The following TNIK variants were observed in gnomAD, a reference collection of about 807,000 sequenced individuals.
TNIK encodes the protein TRAF2 and NCK interacting kinase.
A neutral mutation model predicts 191.3 loss-of-function variants in TNIK; 49 were observed. The observed-to-expected ratio is 0.26, with a 90% CI of 0.20 to 0.32. The LOEUF is 0.32. TNIK is among the 10% of genes least tolerant of loss of function. The probability of loss-of-function intolerance (pLI) is 1.00; values close to 1 mark genes in which losing one functional copy is unlikely to be tolerated. For missense variants in TNIK, 1,155 were observed against 1,702.3 expected, an observed-to-expected ratio of 0.68 and a Z score of 5.66; for synonymous variants, 594 against 600.9, an observed-to-expected ratio of 0.99 and a Z score of 0.17.
rs781222903 is a variant in TNIK at position 171,157,548 on chromosome 3, C to T, written c.1133G>A (p.Arg378Gln). The T allele has an allele frequency of 2.2e-5, 34 of 1,564,346 alleles. No homozygotes were observed. Among genetic ancestry groups the T allele is most frequent in the Admixed American group, 3.8e-5 (2 of 52,728 alleles). ...CTGCCGCTTGTGCTCCTCATTCTCC[C>T]GCTGCTGCTGCTCCAGCTGCTGCCT... ...LRRQQLEQQQ[R>Q]ENEEHKRQLL... is the part of the protein sequence containing the mutation. Residue 378 changes from arginine (R) to glutamine (Q), a missense_variant, in exon 12 of 33, where the codon CGG (arginine) becomes CAG (glutamine). Around this residue, in one of 3 missense-constraint regions of TNIK, gnomAD observed 735 missense variants for 848.0 expected, o/e 0.87. Transcript: ENST00000436636.
intron 2 of TNIK, among the ~76,000 whole-genome samples, chr3:171,277,019 AG>A (rs1391957904): frequency 1.6e-4 from 25 of 152,218 alleles, no homozygotes; most frequent in Non-Finnish European, 2.1e-4. Context: ...GAGAGGTGGA[AG>A]CTTTAAGAAA....
chr3:171,253,140 C>CG (rs1560325388), intron 2 of TNIK, among the ~76,000 whole-genome samples: 1 of 151,054 alleles, frequency 6.6e-6, no homozygotes, highest in African/African-American at 2.4e-5. Context: ...AAAAATTAGC[C>CG]GGGCGTGGTG....
intron 1 of TNIK, among the ~76,000 whole-genome samples, chr3:171,398,615 A>C (rs1720532011): frequency 6.6e-6 from 1 of 152,166 alleles, no homozygotes; most frequent in Non-Finnish European, 1.5e-5. Flanking sequence ...AGTGTTACCT[A>C]AACTTTTTCA....
At chr3:171,231,413 G>A (rs778016747) in intron 2 of TNIK, among the ~76,000 whole-genome samples, 91 of 150,998 alleles carry the variant, frequency 6.0e-4, no homozygotes, top group African/African-American at 2.0e-3. Context: ...TTCATTTCCC[G>A]GCTGAAACAG....
chr3:171,385,941 G>A (rs1718670012), intron 1 of TNIK, among the ~76,000 whole-genome samples: 1 of 152,120 alleles, frequency 6.6e-6, no homozygotes, highest in Non-Finnish European at 1.5e-5. Context: ...TGAACAAAAT[G>A]CTGTTTGAGG....
chr3:171,406,661 G>A (rs1721730333), intron 1 of TNIK, among the ~76,000 whole-genome samples: 2 of 152,140 alleles, frequency 1.3e-5, no homozygotes, highest in South Asian at 4.1e-4. Flanking sequence ...GTGAAGTCCT[G>A]GCCTCAGGTG....
chr3:171,259,121 C>CGA (rs143481504), intron 2 of TNIK, among the ~76,000 whole-genome samples: 11 of 151,478 alleles, frequency 7.3e-5, no homozygotes, highest in Non-Finnish European at 1.0e-4. Context: ...AGCATGCACA[C>CGA]GAGAGAGAGA....
At chr3:171,399,622 G>T (rs561821316) in intron 1 of TNIK, among the ~76,000 whole-genome samples, 3 of 151,976 alleles carry the variant, frequency 2.0e-5, no homozygotes, top group Admixed American at 1.3e-4. Flanking sequence ...AAATTATGTT[G>T]ATAAGAATTT....
chr3:171,213,934 A>C (rs920615910), intron 3 of TNIK, among the ~76,000 whole-genome samples: 2 of 152,184 alleles, frequency 1.3e-5, no homozygotes, highest in African/African-American at 2.4e-5. Flanking sequence ...CTACAAAGTA[A>C]ATGTTATTAC....
At chr3:171,333,850 C>T (rs563159345) in intron 2 of TNIK, among the ~76,000 whole-genome samples, 198 of 152,346 alleles carry the variant, frequency 1.3e-3, no homozygotes, top group Admixed American at 2.1e-3. Context: ...GCACAGGGAG[C>T]GCCTCCCGCC....
At chr3:171,355,590 A>G (rs1713920007) in intron 2 of TNIK, among the ~76,000 whole-genome samples, 1 of 152,204 alleles carries the variant, frequency 6.6e-6, no homozygotes, top group Non-Finnish European at 1.5e-5. Context: ...ACTAACTTTC[A>G]CTATTTTGAC....
rs539824483 is a variant in TNIK, at chr3:171,366,953, G to T, written c.123+2667C>A. Among the ~76,000 whole-genome samples, 92 of 152,306 alleles carry T rather than the reference G, an allele frequency of 6.0e-4. No individual in the cohort carries two copies. Among genetic ancestry groups the T allele is most frequent in the African/African-American group, 2.2e-3 (92 of 41,574 alleles). On this transcript the variant is annotated intron_variant, in intron 2 of 32. Transcript: ENST00000436636. This position sits in a 1 kb window ranked among gnomAD's most constrained non-coding sequence, Gnocchi z 4.1. ...TCTCCTGCCACCCTGTGAAGAGGTG[G>T]CTTCTGCCATGATCGTAAATTTCCT...
At position 171,212,470 on chromosome 3, in the gene TNIK, A is replaced by G. The variant is rs112231472; in HGVS notation, c.181-1229T>C. On this transcript the variant is annotated intron_variant, in intron 3 of 32. Transcript: ENST00000436636. ...CCCATTACTCGACTCTCTTCTCCCTATATTGTAAGCTCTCCTCTCCAGATC... is the reference window on the plus strand; with the variant it reads ...CCCATTACTCGACTCTCTTCTCCCTGTATTGTAAGCTCTCCTCTCCAGATC... 5.2e-3 allele frequency among the ~76,000 whole-genome samples: 791 copies of G among 152,042 alleles called. 6 individuals are homozygous for G. The highest frequency in any genetic ancestry group is 0.012 in the Admixed American group (188 of 15,258).
At chr3:171,450,242 G>A (rs1728008786) in intron 1 of TNIK, among the ~76,000 whole-genome samples, 1 of 152,168 alleles carries the variant, frequency 6.6e-6, no homozygotes, top group Non-Finnish European at 1.5e-5. Context: ...CTGAAGCATT[G>A]CTACTTATCT....
intron 15 of TNIK, among the ~76,000 whole-genome samples, chr3:171,136,985 A>C (rs1446824970): frequency 1.3e-5 from 2 of 152,218 alleles, no homozygotes; most frequent in African/African-American, 4.8e-5. Flanking sequence ...TCACAAATCA[A>C]AACAATTTTT....
chr3:171,125,819 C>G (rs1422231456), intron 17 of TNIK, 93 bp downstream of exon 17: 1 of 1,531,424 alleles, frequency 6.5e-7, no homozygotes, highest in Non-Finnish European at 8.8e-7. Flanking sequence ...TTGGCATGAT[C>G]ACATTCTCCA....
intron 1 of TNIK, among the ~76,000 whole-genome samples, chr3:171,417,061 A>G (rs1384864708): frequency 6.6e-6 from 1 of 152,152 alleles, no homozygotes; most frequent in Non-Finnish European, 1.5e-5. Context: ...TTTTTAAATG[A>G]CCCTGAATGT....
intron 2 of TNIK, among the ~76,000 whole-genome samples, chr3:171,318,284 G>A (rs971375116): frequency 6.6e-6 from 1 of 152,104 alleles, no homozygotes; most frequent in Non-Finnish European, 1.5e-5. Context: ...TTTAATGCCT[G>A]ATCAAAACAC....
chr3:171,083,382 T>A (rs1720931133), intron 26 of TNIK, among the ~76,000 whole-genome samples: 1 of 152,208 alleles, frequency 6.6e-6, no homozygotes, highest in Non-Finnish European at 1.5e-5. Flanking sequence ...CCCGCTAACA[T>A]CTCAAATGCT....
Sources: allele counts gnomAD v4.1 joint callset (sites outside exome capture counted in the v4.1 genomes callset), GRCh38; gene constraint gnomAD v4.1.1; regional missense constraint gnomAD v4.1.1; non-coding constraint Gnocchi (gnomAD v3.1); transcripts MANE v1.5; gene names NCBI Gene and HGNC (gene_info 2026-07-23, HGNC 2026-07-21).